INSR: variants seen among roughly 807,000 people sequenced by gnomAD.
INSR encodes the protein insulin receptor, also known as IR.
In INSR, 67 loss-of-function variants were observed where a neutral mutation model predicts 142.6. That is an observed-to-expected ratio of 0.47 (90% CI 0.39 to 0.58). The LOEUF (loss-of-function observed/expected upper bound fraction) is 0.58. Ranked by LOEUF, INSR falls within the 20% of genes least tolerant of loss-of-function variation. The pLI, the probability that INSR is intolerant of heterozygous loss-of-function variation, is 0.00. For missense variants in INSR, 1,248 were observed against 1,833.2 expected (o/e 0.68, Z 5.83); for synonymous variants, 756 against 743.1 (o/e 1.02, Z -0.28).
At chr19:7,184,731 A>G in intron 2 of INSR, 94 bp from the exon 3 acceptor site, 2 of 1,003,240 alleles carry the variant, frequency 2.0e-6, no homozygotes, top group Non-Finnish European at 2.7e-6. Flanking sequence ...TCCTGTCTGC[A>G]TATGCAGCAA....
chr19:7,179,205 C>A (rs1974214176), intron 3 of INSR, among the ~76,000 whole-genome samples: 1 of 152,246 alleles, frequency 6.6e-6, no homozygotes, highest in South Asian at 2.1e-4. Flanking sequence ...AGCCACCACA[C>A]CTGGCCAGGT....
At chr19:7,233,643 C>T (rs544854061) in intron 2 of INSR, among the ~76,000 whole-genome samples, 9 of 148,634 alleles carry the variant, frequency 6.1e-5, no homozygotes, top group Non-Finnish European at 8.9e-5. Flanking sequence ...GAAAGCTAAA[C>T]GTCTTTTGTT....
chr19:7,198,285 C>G (rs964213395), intron 2 of INSR, among the ~76,000 whole-genome samples: 1 of 151,584 alleles, frequency 6.6e-6, no homozygotes, highest in African/African-American at 2.4e-5. Flanking sequence ...GCGCCGGGCT[C>G]CGCTCCCCAG....
At chr19:7,195,881 C>T (rs1453235239) in intron 2 of INSR, among the ~76,000 whole-genome samples, 1 of 150,880 alleles carries the variant, frequency 6.6e-6, no homozygotes, top group East Asian at 1.9e-4. Context: ...CTGATTTTGA[C>T]AACGGCACCA....
chr19:7,123,130 G>A, intron 17 of INSR, 141 bp from the exon 18 acceptor site: 1 of 685,732 alleles, frequency 1.5e-6, no homozygotes, highest in Non-Finnish European at 2.6e-6. Context: ...TAGGAGAGCA[G>A]ACATACCTGC....
intron 2 of INSR, among the ~76,000 whole-genome samples, chr19:7,196,738 TA>T (rs977969271): frequency 2.0e-5 from 3 of 150,438 alleles, no homozygotes; most frequent in Non-Finnish European, 4.4e-5. Context: ...TTCCGAAGTT[TA>T]AAAAAAACTT....
chr19:7,135,838 G>A (rs1471659000), intron 13 of INSR, among the ~76,000 whole-genome samples: 4 of 151,704 alleles, frequency 2.6e-5, no homozygotes, highest in Admixed American at 6.6e-5. Context: ...CGAGGTCGTG[G>A]GTTCCTGTAG....
At chr19:7,174,962 C>A (rs1392144207) in intron 3 of INSR, among the ~76,000 whole-genome samples, 1 of 152,018 alleles carries the variant, frequency 6.6e-6, no homozygotes, top group Non-Finnish European at 1.5e-5. Context: ...CCTGCCTCAG[C>A]CTCCACAGTA....
At chr19:7,258,272 TA>T (rs1396518831) in intron 2 of INSR, among the ~76,000 whole-genome samples, 1 of 152,020 alleles carries the variant, frequency 6.6e-6, no homozygotes, top group Non-Finnish European at 1.5e-5. Context: ...CCATCTCTAC[TA>T]AAAAAATAAA....
intron 11 of INSR, among the ~76,000 whole-genome samples, chr19:7,149,140 C>A (rs1973257734): frequency 6.6e-6 from 1 of 152,072 alleles, no homozygotes; most frequent in African/African-American, 2.4e-5. Context: ...ATCTTCTGAT[C>A]TCATGATCCG....
At chr19:7,182,303 C>T (rs1176132586) in intron 3 of INSR, among the ~76,000 whole-genome samples, 2 of 152,058 alleles carry the variant, frequency 1.3e-5, no homozygotes, top group Admixed American at 6.6e-5. Flanking sequence ...CATTGCACTT[C>T]AGTCTGGGCA....
chr19:7,157,422 G>GCAT (rs1973623949), intron 9 of INSR, among the ~76,000 whole-genome samples: 1 of 48,742 alleles, frequency 2.1e-5, no homozygotes, highest in Admixed American at 2.7e-4. Context: ...GCCGATTTTT[G>GCAT]TATTTTTTTT....
At chr19:7,203,956 C>G (rs1177616634) in intron 2 of INSR, among the ~76,000 whole-genome samples, 1 of 152,200 alleles carries the variant, frequency 6.6e-6, no homozygotes, top group African/African-American at 2.4e-5. Flanking sequence ...GATCTTGGCT[C>G]ACTGCAATCT....
intron 9 of INSR, 131 bp downstream of exon 9, chr19:7,162,901 G>A: frequency 2.6e-6 from 2 of 760,730 alleles, no homozygotes; most frequent in Non-Finnish European, 4.7e-6. Flanking sequence ...GAGATAGAAT[G>A]GAGTGTGTGT....
At chr19:7,270,256 A>T (rs949189700) in intron 1 of INSR, among the ~76,000 whole-genome samples, 17 of 151,146 alleles carry the variant, frequency 1.1e-4, no homozygotes, top group African/African-American at 4.1e-4. Context: ...CTGGCATCCT[A>T]ATCTTAGATT....
intron 2 of INSR, among the ~76,000 whole-genome samples, chr19:7,212,061 G>GTTTCCCAAGTCACAGAC (rs1975292784): frequency 6.6e-6 from 1 of 152,088 alleles, no homozygotes; most frequent in African/African-American, 2.4e-5. Context: ...GGGAGGGGCC[G>GTTTCCCAAGTCACAGAC]TCTTGTACAT....
intron 2 of INSR, among the ~76,000 whole-genome samples, chr19:7,256,743 G>GA (rs966113774): frequency 3.7e-4 from 55 of 148,684 alleles, no homozygotes; most frequent in African/African-American, 6.4e-4. Flanking sequence ...GAAAAAACAA[G>GA]AAAAAAAAAT....
intron 2 of INSR, among the ~76,000 whole-genome samples, chr19:7,221,727 T>A (rs531411978): frequency 1.2e-4 from 18 of 150,142 alleles, no homozygotes; most frequent in African/African-American, 3.9e-4. Context: ...AAAAAAGAGA[T>A]CCCTCCTTTC....
chr19:7,117,304 C>T lies in INSR; in HGVS notation c.3901G>A (p.Val1301Met). 6.2e-7 allele frequency: 1 copy of T among 1,614,204 alleles called. No individual in the cohort carries two copies. The highest frequency in any genetic ancestry group is 8.5e-7 in the Non-Finnish European group (1 of 1,180,040). ...KDDLHPSFPE[V>M]SFFHSEENKA... ...TTCTCCTCGCTGTGGAAGAACGACA[C>T]CTCTGGAAAGCTGGGGTGCAGGTCG... is the stretch of plus-strand genomic sequence containing the variant. The change falls in exon 22 of 22, where the codon GTG (valine) becomes ATG (methionine). Residue 1301 changes from valine to methionine, a missense_variant. Physicochemically the swap from Val to Met is conservative, Grantham distance 21. Around this residue, in one of 3 missense-constraint regions of INSR, gnomAD observed 122 missense variants for 129.8 expected, o/e 0.94. Coordinates refer to ENST00000302850, the MANE Select transcript of INSR (RefSeq NM_000208.4).
Sources: allele counts gnomAD v4.1 joint callset (sites outside exome capture counted in the v4.1 genomes callset), GRCh38; gene constraint gnomAD v4.1.1; regional missense constraint gnomAD v4.1.1; transcripts MANE v1.5; gene names NCBI Gene and HGNC (gene_info 2026-07-23, HGNC 2026-07-21).